Variants in TMEM117 observed in about 807,000 individuals in gnomAD.
The protein encoded by TMEM117 is transmembrane protein 117.
In TMEM117, 27 loss-of-function variants were observed where a neutral mutation model predicts 52.4. The ratio of observed to expected loss-of-function variants is 0.51; its 90% CI spans 0.38 to 0.71. The LOEUF (loss-of-function observed/expected upper bound fraction) is 0.71, where lower values mean the gene tolerates loss of function less well. Ranked by LOEUF, TMEM117 falls within the 30% of genes least tolerant of loss-of-function variation. The probability of loss-of-function intolerance (pLI) is 0.00; values close to 1 mark genes in which losing one functional copy is unlikely to be tolerated. For synonymous variants in TMEM117, 215 were observed against 206.3 expected (o/e 1.04, Z -0.36); for missense variants, 556 against 630.5 (o/e 0.88, Z 1.26).
intron 5 of TMEM117, among the ~76,000 whole-genome samples, chr12:44,256,893 A>C (rs977115522): frequency 6.6e-6 from 1 of 151,608 alleles, no homozygotes; most frequent in Admixed American, 6.6e-5. Flanking sequence ...GTCTTTCCTA[A>C]AAGGGTTTGT....
chr12:43,888,543 CTTTTT>C (rs147186370), intron 2 of TMEM117, among the ~76,000 whole-genome samples: 2,354 of 92,200 alleles, frequency 0.026, 19 homozygotes, highest in East Asian at 0.076. Context: ...CATTAGTTTT[CTTTTT>C]TTTTTTTTTT....
Position 44,355,604 on chromosome 12 carries a change from G to A in TMEM117, c.769-20991G>A, listed in dbSNP as rs1265682095. On this transcript the variant is annotated intron_variant, in intron 6 of 7. Transcript: ENST00000266534. ...TTGATATAAATTCAATGCTTTGAGA[G>A]TAGAAGGAACCAAACCATGGAAGTT... 2.0e-5 allele frequency among the ~76,000 whole-genome samples: 3 copies of A among 152,086 alleles called. No individual in the cohort carries two copies. In the East Asian group the frequency reaches 5.8e-4, roughly 29 times the overall value.
rs574280313 is a variant in TMEM117 at position 44,297,300 on chromosome 12, G to C, written c.609-2280G>C. Among the ~76,000 whole-genome samples the C allele has an allele frequency of 8.0e-4, 122 of 152,230 alleles. 1 individual carries two copies. Among genetic ancestry groups the C allele is most frequent in the South Asian group, 2.7e-3 (13 of 4,834 alleles). ...GAGTATTAATTCTTCTTAATCAACT[G>C]TCTTTACTAAAGGGGGTTCCAGGTG... On this transcript the variant is annotated intron_variant, in intron 5 of 7. Transcript: ENST00000266534.
intron 3 of TMEM117, among the ~76,000 whole-genome samples, chr12:44,092,344 A>G (rs1307300321): frequency 6.6e-6 from 1 of 152,156 alleles, no homozygotes; most frequent in Non-Finnish European, 1.5e-5. Context: ...TCCTTTCAAA[A>G]AGCAAAGCAG....
chr12:44,021,525 A>G (rs1946455921), intron 3 of TMEM117, among the ~76,000 whole-genome samples: 2 of 152,324 alleles, frequency 1.3e-5, no homozygotes, highest in South Asian at 4.1e-4. Flanking sequence ...TAGGGTGGTT[A>G]GCTAGAACCA....
chr12:44,114,918 A>G (rs1390495762), intron 3 of TMEM117, among the ~76,000 whole-genome samples: 1 of 152,236 alleles, frequency 6.6e-6, no homozygotes, highest in African/African-American at 2.4e-5. Flanking sequence ...GATACAGGCT[A>G]TGAATAAAAT....
chr12:43,804,107 T>C, the TMEM117 span: 1 of 314,608 alleles, frequency 3.2e-6, no homozygotes. Context: ...TTGATATCCT[T>C]TGTTTATATT....
downstream of TMEM117, among the ~76,000 whole-genome samples, chr12:44,390,134 GCCC>G (rs1395201258): frequency 4.0e-5 from 6 of 151,888 alleles, no homozygotes; most frequent in African/African-American, 1.4e-4. Flanking sequence ...TTGGAACCAT[GCCC>G]CTGCTGTTAC....
intron 1 of TMEM117, among the ~76,000 whole-genome samples, chr12:43,843,281 T>A (rs1943146014): frequency 6.6e-6 from 1 of 152,200 alleles, no homozygotes; most frequent in Admixed American, 6.5e-5. Flanking sequence ...ATATCTAAGA[T>A]TTAATCAGTG....
chr12:44,191,444 T>C (rs780815777), intron 4 of TMEM117, among the ~76,000 whole-genome samples: 10 of 152,164 alleles, frequency 6.6e-5, no homozygotes, highest in Non-Finnish European at 1.5e-4. Flanking sequence ...GCTGTATATA[T>C]ACCATTTTCT....
At chr12:43,804,695 A>G in the TMEM117 span, 5 of 581,616 alleles carry the variant, frequency 8.6e-6, no homozygotes, top group East Asian at 1.3e-4. Context: ...CCTTATTATC[A>G]GTATTATAAA....
intron 6 of TMEM117, among the ~76,000 whole-genome samples, chr12:44,330,631 G>A (rs1951256876): frequency 6.6e-6 from 1 of 152,018 alleles, no homozygotes; most frequent in Middle Eastern, 3.4e-3. Context: ...GTGTTTAATA[G>A]CCACATGTAG....
At chr12:44,097,963 T>A (rs17094072) in intron 3 of TMEM117, among the ~76,000 whole-genome samples, 11,771 of 152,068 alleles carry the variant, frequency 0.077, 1,381 homozygotes, top group African/African-American at 0.26. Context: ...TAATGAATTT[T>A]GAAATAGGAA....
chr12:44,260,967 G>A (rs531692232), intron 5 of TMEM117, among the ~76,000 whole-genome samples: 1 of 152,232 alleles, frequency 6.6e-6, no homozygotes, highest in South Asian at 2.1e-4. Context: ...TATATAGCAT[G>A]TTTCTTGTAT....
intron 3 of TMEM117, among the ~76,000 whole-genome samples, chr12:43,985,809 C>G (rs2137734288): frequency 6.6e-6 from 1 of 152,298 alleles, no homozygotes; most frequent in Admixed American, 6.5e-5. Context: ...GTTCATTGGC[C>G]TTGCCCGTCA....
chr12:43,995,060 A>T (rs1416623492), intron 3 of TMEM117, among the ~76,000 whole-genome samples: 1 of 152,002 alleles, frequency 6.6e-6, no homozygotes, highest in Non-Finnish European at 1.5e-5. Context: ...GTGGATCACG[A>T]GGTCAGGAGA....
chr12:43,795,852 C>T, the TMEM117 span: 1 of 1,213,790 alleles, frequency 8.2e-7, no homozygotes, highest in Non-Finnish European at 1.2e-6. Flanking sequence ...ATACCCTTTC[C>T]AGTAAGGCAG....
chr12:44,180,790 G>A (rs1241560041), intron 4 of TMEM117, among the ~76,000 whole-genome samples: 9 of 152,042 alleles, frequency 5.9e-5, no homozygotes, highest in Non-Finnish European at 1.0e-4. Flanking sequence ...CTTTGCTATC[G>A]TGAATAATGC....
At chr12:44,133,507 T>C (rs1049286003) in intron 3 of TMEM117, among the ~76,000 whole-genome samples, 1 of 152,134 alleles carries the variant, frequency 6.6e-6, no homozygotes, top group African/African-American at 2.4e-5. Flanking sequence ...TTCCTTTTTC[T>C]TTTTGCTTTT....
Sources: allele counts gnomAD v4.1 joint callset (sites outside exome capture counted in the v4.1 genomes callset), GRCh38; gene constraint gnomAD v4.1.1; transcripts MANE v1.5; gene names NCBI Gene and HGNC (gene_info 2026-07-23, HGNC 2026-07-21).